The following CYP1A1 variants were observed in gnomAD, a reference collection of about 807,000 sequenced individuals.
CYP1A1 encodes the protein cytochrome P450 1A1.
In CYP1A1, 43 loss-of-function variants were observed where a neutral mutation model predicts 33.6. The ratio of observed to expected loss-of-function variants is 1.28; its 90% CI spans 1.00 to 1.65. The LOEUF (loss-of-function observed/expected upper bound fraction) is 1.65. Among genes scored for constraint, CYP1A1 ranks in the 40% most tolerant of loss-of-function variants. The probability of loss-of-function intolerance (pLI) is 0.00; values close to 1 mark genes in which losing one functional copy is unlikely to be tolerated. For synonymous variants in CYP1A1, 280 were observed against 257.8 expected (o/e 1.09, Z -0.83); for missense variants, 637 against 653.7 (o/e 0.97, Z 0.28).
chr15:74,721,041 G>C lies in CYP1A1; in HGVS notation c.1179C>G (p.Asp393Glu). The C allele has an allele frequency of 6.2e-7, 1 of 1,614,146 alleles. No homozygotes were observed. Among genetic ancestry groups the C allele is most frequent in the Non-Finnish European group, 8.5e-7 (1 of 1,180,012 alleles). ...PFTIPHSTTR[D>E]TSLKGFYIPK... ...GGATGTAAAAGCCTTTCAAACTTGT[G>C]TCTCTTGTTGTGCTAGGGAGAAAGG... The change falls in exon 6 of 7, where the codon GAC becomes GAG. Residue 393 changes from aspartate to glutamate, a missense_variant. Coordinates refer to ENST00000379727, the MANE Select transcript of CYP1A1 (RefSeq NM_001319217.2).
intron 1 of CYP1A1, chr15:74,725,229 C>G (rs2063206827): frequency 6.6e-6 from 1 of 152,430 alleles, no homozygotes; most frequent in South Asian, 2.1e-4. Context: ...ATCTAGAGGT[C>G]TGGTACCAGC....
chr15:74,722,300 G>T lies in CYP1A1; in HGVS notation c.798C>A (p.Val266=). ...TCTCAAAGGTTTTGTAGTGCTCCTT[G>T]ACCATCTTCTGCATGAAGCTGTAGA... is the stretch of plus-strand genomic sequence containing the variant. ...EKFYSFMQKM[V]KEHYKTFEKG... is the part of the protein sequence containing the mutation. The change falls in exon 2 of 7, where the codon GTC becomes GTA. Residue 266 remains valine, a synonymous_variant. Coordinates refer to ENST00000379727, the MANE Select transcript of CYP1A1 (RefSeq NM_001319217.2). 1 of 1,613,132 alleles carries T rather than the reference G, an allele frequency of 6.2e-7. No homozygotes were observed. The highest frequency in any genetic ancestry group is 1.1e-5 in the South Asian group (1 of 91,016).
rs1567197156 is a variant in CYP1A1, at chr15:74,722,840, C to T, written c.258G>A (p.Leu86=). 1.9e-6 allele frequency: 3 copies of T among 1,614,084 alleles called. No homozygotes were observed. Among genetic ancestry groups the T allele is most frequent in the East Asian group, 2.2e-5 (1 of 44,878 alleles). The part of the protein sequence containing the change: ...IRIGSTPVVV[L]SGLDTIRQAL... ...CCTGCCGGATGGTGTCCAGGCCGCT[C>T]AGCACCACCACGGGTGTGGAGCCAA... Residue 86 remains leucine, a synonymous_variant, in exon 2 of 7, where the codon CTG becomes CTA. Transcript: ENST00000379727.
At position 74,721,513 on chromosome 15, in the gene CYP1A1, G is replaced by A. The variant is rs1349302781; in HGVS notation, c.953-10C>T. Reference sequence around the variant, plus strand: ...GTGACTGTGTCAAACCCTGGACAGGGTAGAACAGAAGAAGTTAGGCAGGCA... The same window carrying A: ...GTGACTGTGTCAAACCCTGGACAGGATAGAACAGAAGAAGTTAGGCAGGCA... On this transcript the variant is annotated splice_polypyrimidine_tract_variant and intron_variant, in intron 3 of 6. Transcript: ENST00000379727. 15 of 1,614,074 alleles carry A rather than the reference G, an allele frequency of 9.3e-6. No individual in the cohort carries two copies. The highest frequency in any genetic ancestry group is 1.3e-5 in the African/African-American group (1 of 74,930).
chr15:74,723,742 T>C (rs532409471), intron 1 of CYP1A1, among the ~76,000 whole-genome samples: 1 of 152,262 alleles, frequency 6.6e-6, no homozygotes, highest in Admixed American at 6.5e-5. Context: ...CATTTAACAT[T>C]TGGGGGAAGC....
intron 6 of CYP1A1, 47 bp downstream of exon 6, chr15:74,720,920 A>G: frequency 6.3e-7 from 1 of 1,592,948 alleles, no homozygotes; most frequent in Non-Finnish European, 8.6e-7. Flanking sequence ...CATATATAAG[A>G]GCTTAAGAGG....
intron 5 of CYP1A1, 40 bp from the exon 6 acceptor site, chr15:74,721,093 G>A (rs748873888): frequency 1.2e-6 from 2 of 1,612,386 alleles, no homozygotes; most frequent in Non-Finnish European, 1.7e-6. Context: ...AGGGCAACAG[G>A]CAAATCTCCC....
At position 74,722,280 on chromosome 15, in the gene CYP1A1, A is replaced by G. The variant is rs2063176539; in HGVS notation, c.818T>C (p.Phe273Ser). 1 of 1,607,654 alleles carries G rather than the reference A, an allele frequency of 6.2e-7. No homozygotes were observed. The highest frequency in any genetic ancestry group is 1.3e-5 in the African/African-American group (1 of 74,624). ...QKMVKEHYKT[F>S]EKGHIRDITD... is the part of the protein sequence containing the mutation. ...CCTTTCCCCAGACTGTACCTTCTCA[A>G]AGGTTTTGTAGTGCTCCTTGACCAT... The change falls in exon 2 of 7, where the codon TTT becomes TCT. Residue 273 changes from phenylalanine (F) to serine (S), a missense_variant. Phe to Ser is a radical substitution (Grantham distance 155). Coordinates refer to ENST00000379727, the MANE Select transcript of CYP1A1 (RefSeq NM_001319217.2).
chr15:74,722,798 G>A lies in CYP1A1; in HGVS notation c.300C>T (p.Gly100=), dbSNP rs377233098. The change falls in exon 2 of 7, where the codon GGC becomes GGT. Residue 100 remains glycine, a synonymous_variant. Transcript: ENST00000379727. The part of the protein sequence containing the change: ...DTIRQALVRQ[G]DDFKGRPDLY... Reference sequence around the variant, plus strand: ...GGTCGGGCCGGCCCTTGAAATCATCGCCCTGCCGCACCAGGGCCTGCCGGA... The same window carrying A: ...GGTCGGGCCGGCCCTTGAAATCATCACCCTGCCGCACCAGGGCCTGCCGGA... 8.8e-5 allele frequency: 137 copies of A among 1,552,824 alleles called. No individual in the cohort carries two copies. In the African/African-American group the frequency reaches 1.1e-3, roughly 12 times the overall value.
chr15:74,722,135 C>T, intron 2 of CYP1A1, 138 bp downstream of exon 2: 1 of 685,792 alleles, frequency 1.5e-6, no homozygotes, highest in Non-Finnish European at 2.5e-6. Flanking sequence ...GAAGACTATT[C>T]CACAACTGGC....
Position 74,721,294 on chromosome 15 carries a change from G to T in CYP1A1, c.1071C>A (p.Pro357=). ...LDTVIGRSRR[P]RLSDRSHLPY... is the part of the protein sequence containing the mutation. ...GCAGATGGGATCTGTCAGAGAGCCG[G>T]GGCCGCCGTGACCTGCCAATCACTG... The change falls in exon 5 of 7, where the codon CCC becomes CCA. Residue 357 remains proline, a synonymous_variant. Coordinates refer to ENST00000379727, the MANE Select transcript of CYP1A1 (RefSeq NM_001319217.2). 6.2e-7 allele frequency: 1 copy of T among 1,613,690 alleles called. No individual in the cohort carries two copies. The highest frequency in any genetic ancestry group is 1.7e-5 in the Admixed American group (1 of 60,008).
rs1028862288 is a variant in CYP1A1, at chr15:74,721,729, A to G, written c.826-12T>C. On this transcript the variant is annotated splice_polypyrimidine_tract_variant and intron_variant, in intron 2 of 6. Transcript: ENST00000379727. ...TCCCGGATGTGGCCCTTAGGTAGGGAAAGTCCACAGGTGAGCAAGATCTCA... is the reference window on the plus strand; with the variant it reads ...TCCCGGATGTGGCCCTTAGGTAGGGGAAGTCCACAGGTGAGCAAGATCTCA... 1 of 1,613,290 alleles carries G rather than the reference A, an allele frequency of 6.2e-7. No individual in the cohort carries two copies. Among genetic ancestry groups the G allele is most frequent in the South Asian group, 1.1e-5 (1 of 90,970 alleles).
In CYP1A1 at chr15:74,719,800, T is replaced by C. The variant is rs2063154077; in HGVS notation, c.*689A>G. 6.6e-6 allele frequency: 1 copy of C among 152,196 alleles called. No individual in the cohort carries two copies. Among genetic ancestry groups the C allele is most frequent in the South Asian group, 2.1e-4 (1 of 4,832 alleles). 9.4% of individuals were successfully genotyped at this position (152,196 alleles called of 1,614,324 possible). ...CCCCCCCTCACTCCAGCCCTAGTCC[T>C]GGTGCCTGGATATGTGCACTCCCTG... On this transcript the variant is annotated 3_prime_UTR_variant, in exon 7 of 7. Coordinates refer to ENST00000379727, the MANE Select transcript of CYP1A1 (RefSeq NM_001319217.2).
chr15:74,720,603 C>T lies in CYP1A1; in HGVS notation c.1425G>A (p.Leu475=), dbSNP rs529036977. The change falls in exon 7 of 7, where the codon CTG becomes CTA. Residue 475 remains leucine, a synonymous_variant. Coordinates refer to ENST00000379727, the MANE Select transcript of CYP1A1 (RefSeq NM_001319217.2). ...GTGGCACGCTGAATTCCACCCGTTG[C>T]AGCAGGATAGCCAGGAAGAGAAAGA... ...WEVFLFLAIL[L]QRVEFSVPLG... The T allele has an allele frequency of 3.7e-6, 6 of 1,613,976 alleles. No individual in the cohort carries two copies. Among genetic ancestry groups the T allele is most frequent in the Non-Finnish European group, 5.1e-6 (6 of 1,180,004 alleles).
At chr15:74,721,824 GC>G in intron 2 of CYP1A1, 107 bp from the exon 3 acceptor site, 2 of 1,400,436 alleles carry the variant, frequency 1.4e-6, no homozygotes, top group South Asian at 1.3e-5. Context: ...TGGAGGTGAT[GC>G]CCCCTGAGGC....
At position 74,721,004 on chromosome 15, in the gene CYP1A1, A is replaced by C; in HGVS notation, c.1216T>G (p.Cys406Gly). The C allele has an allele frequency of 6.2e-7, 1 of 1,614,178 alleles. No homozygotes were observed. Among genetic ancestry groups the C allele is most frequent in the Non-Finnish European group, 8.5e-7 (1 of 1,180,016 alleles). The change falls in exon 6 of 7, where the codon TGT becomes GGT. Residue 406 changes from cysteine (C) to glycine (G), a missense_variant. Physicochemically the swap from Cys to Gly is radical, Grantham distance 159. Coordinates refer to ENST00000379727, the MANE Select transcript of CYP1A1 (RefSeq NM_001319217.2). ...LKGFYIPKGR[C>G]VFVNQWQINH... The stretch of plus-strand genomic sequence containing the variant: ...ATCTGCCACTGGTTTACAAAGACAC[A>C]ACGCCCCTTGGGGATGTAAAAGCCT...
chr15:74,720,167 A>G lies in CYP1A1; in HGVS notation c.*322T>C, dbSNP rs2063156412. 4.2e-6 allele frequency: 1 copy of G among 237,188 alleles called. No individual in the cohort carries two copies. The highest frequency in any genetic ancestry group is 1.7e-4 in the South Asian group (1 of 5,886). 14.7% of individuals were successfully genotyped at this position (237,188 alleles called of 1,614,324 possible). On this transcript the variant is annotated 3_prime_UTR_variant, in exon 7 of 7. Coordinates refer to ENST00000379727, the MANE Select transcript of CYP1A1 (RefSeq NM_001319217.2). The stretch of plus-strand genomic sequence containing the variant: ...CTAGGTACTGGGCCCAGGGGCTTCC[A>G]GAGAGTTCTTCAGAGCTTCTCAGAG...
Position 74,722,781 on chromosome 15 carries a change from CG to C in CYP1A1, c.316del (p.Arg106GlyfsTer37), listed in dbSNP as rs34045449. ...GAGGGTGAAGGTGTAGAGGTCGGGC[CG>C]GCCCTTGAAATCATCGCCCTGCCGC... ...LVRQGDDFKG[R>X]PDLYTFTLIS... On this transcript the variant is annotated frameshift_variant, in exon 2 of 7. Transcript: ENST00000379727. LOFTEE classifies it high-confidence loss of function. 3.1e-4 allele frequency: 485 copies of C among 1,578,282 alleles called. 6 individuals are homozygous for C. In the Middle Eastern group the frequency reaches 8.6e-3, roughly 28 times the overall value.
rs752724213 is a variant in CYP1A1 at position 74,720,706 on chromosome 15, T to C, written c.1322A>G (p.Lys441Arg). The C allele has an allele frequency of 1.2e-6, 2 of 1,613,992 alleles. No homozygotes were observed. Among genetic ancestry groups the C allele is most frequent in the East Asian group, 4.5e-5 (2 of 44,894 alleles). Residue 441 changes from lysine (K) to arginine (R), a missense_variant, in exon 7 of 7, where the codon AAG becomes AGG. Lys to Arg is a conservative substitution (Grantham distance 26). Transcript: ENST00000379727. ...RFLTPDGAID[K>R]VLSEKVIIFG... ...GATAATCACCTTCTCACTTAACACC[T>C]TGTCGATAGCACCATCAGGGGTGAG...
Sources: gnomAD v4.1 joint callset for allele counts (sites outside exome capture counted in the v4.1 genomes callset) on GRCh38, gnomAD v4.1.1 for gene constraint, MANE v1.5 for transcripts, NCBI Gene and HGNC (gene_info 2026-07-23, HGNC 2026-07-21) for gene names.